Variants in WWOX observed in about 807,000 individuals in gnomAD.
WWOX encodes WW domain-containing oxidoreductase.
In WWOX, 69 loss-of-function variants were observed where a neutral mutation model predicts 46.2. The observed-to-expected ratio is 1.49, with a 90% CI of 1.23 to 1.82. The LOEUF (loss-of-function observed/expected upper bound fraction) is 1.82. Among genes scored for constraint, WWOX ranks in the 40% most tolerant of loss-of-function variants. The pLI is 0.00. For missense variants in WWOX, 919 were observed against 542.6 expected (o/e 1.69, Z -6.89); for synonymous variants, 359 against 202.6 (o/e 1.77, Z -6.56).
chr16:78,763,092 A>G (rs2049833186), intron 8 of WWOX, among the ~76,000 whole-genome samples: 1 of 152,148 alleles, frequency 6.6e-6, no homozygotes, highest in Admixed American at 6.5e-5. Flanking sequence ...CTGAGCACCT[A>G]CTCTGTGCCA....
chr16:78,335,863 G>T (rs11647277), intron 5 of WWOX, among the ~76,000 whole-genome samples: 3 of 152,010 alleles, frequency 2.0e-5, no homozygotes, highest in Admixed American at 1.3e-4. Flanking sequence ...AGGCCGAGGC[G>T]GGTGGATCGC....
chr16:78,639,836 G>A (rs1282734719), intron 8 of WWOX, among the ~76,000 whole-genome samples: 1 of 152,150 alleles, frequency 6.6e-6, no homozygotes, highest in Non-Finnish European at 1.5e-5. Flanking sequence ...ACAGTGTTGG[G>A]ATCACAGGTG....
At chr16:78,426,708 G>T (rs2083087032) in intron 7 of WWOX, among the ~76,000 whole-genome samples, 1 of 152,182 alleles carries the variant, frequency 6.6e-6, no homozygotes, top group African/African-American at 2.4e-5. Flanking sequence ...TCTGTTACCA[G>T]GCTGCAGTGC....
chr16:79,090,349 C>T (rs981811519), intron 8 of WWOX, among the ~76,000 whole-genome samples: 1 of 150,540 alleles, frequency 6.6e-6, no homozygotes, highest in African/African-American at 2.4e-5. Context: ...TGTCTAAAGC[C>T]ATGCTCAGTA....
At chr16:78,599,085 C>T (rs1239826841) in intron 8 of WWOX, among the ~76,000 whole-genome samples, 1 of 152,100 alleles carries the variant, frequency 6.6e-6, no homozygotes, top group East Asian at 1.9e-4. Flanking sequence ...GGAAGGTGTC[C>T]GATCAGAACC....
chr16:79,002,043 T>G (rs113948237), intron 8 of WWOX, among the ~76,000 whole-genome samples: 5 of 152,090 alleles, frequency 3.3e-5, no homozygotes, highest in African/African-American at 1.2e-4. Flanking sequence ...AACTGGAATT[T>G]ATTGTAATGG....
chr16:78,918,451 G>A (rs2045302962), intron 8 of WWOX, among the ~76,000 whole-genome samples: 1 of 151,946 alleles, frequency 6.6e-6, no homozygotes, highest in African/African-American at 2.4e-5. Context: ...GGGCTGGACT[G>A]TCACTTGGTT....
intron 8 of WWOX, among the ~76,000 whole-genome samples, chr16:78,824,678 G>A (rs1254143402): frequency 6.6e-6 from 1 of 152,092 alleles, no homozygotes; most frequent in Admixed American, 6.6e-5. Context: ...GAGAACCCCT[G>A]GTAAACCCAT....
intron 8 of WWOX, among the ~76,000 whole-genome samples, chr16:78,716,304 C>A (rs1368670317): frequency 6.6e-6 from 1 of 152,090 alleles, no homozygotes; most frequent in African/African-American, 2.4e-5. Context: ...ATCCTCCCCT[C>A]CAGCCTTTGG....
At chr16:78,174,949 C>T (rs1343085272) in intron 5 of WWOX, among the ~76,000 whole-genome samples, 2 of 151,546 alleles carry the variant, frequency 1.3e-5, no homozygotes, top group African/African-American at 4.8e-5. Flanking sequence ...GATCAGGCCA[C>T]TGCACTCCAA....
chr16:78,770,510 G>A (rs1478950296), intron 8 of WWOX, among the ~76,000 whole-genome samples: 1 of 152,178 alleles, frequency 6.6e-6, no homozygotes, highest in Non-Finnish European at 1.5e-5. Flanking sequence ...TTGGATGGCA[G>A]AAAGGTTCTC....
chr16:78,505,743 A>G (rs1224857553), intron 8 of WWOX, among the ~76,000 whole-genome samples: 1 of 152,184 alleles, frequency 6.6e-6, no homozygotes, highest in African/African-American at 2.4e-5. Context: ...TAAGGCTGGA[A>G]GAAACCCCAA....
rs780325056 is a variant in WWOX, at chr16:79,211,817, GCACA to G, written c.*27_*30del. Reference sequence around the variant, plus strand: ...GCTAAGTGGAGCTCAGAGCGGATGGGCACACACACCCGCCCTGTGTGTGTCCCCT... The same window carrying G: ...GCTAAGTGGAGCTCAGAGCGGATGGGCACACCCGCCCTGTGTGTGTCCCCT... On this transcript the variant is annotated 3_prime_UTR_variant, in exon 9 of 9. Coordinates refer to ENST00000566780, the MANE Select transcript of WWOX (RefSeq NM_016373.4). 1.9e-6 allele frequency: 3 copies of G among 1,613,518 alleles called. No homozygotes were observed. The highest frequency in any genetic ancestry group is 2.5e-6 in the Non-Finnish European group (3 of 1,179,940).
At chr16:78,731,777 T>C (rs2048974651) in intron 8 of WWOX, among the ~76,000 whole-genome samples, 1 of 152,054 alleles carries the variant, frequency 6.6e-6, no homozygotes, top group Admixed American at 6.5e-5. Context: ...CACTCTGCAG[T>C]TGTTTTATAA....
intron 8 of WWOX, among the ~76,000 whole-genome samples, chr16:78,442,359 C>T (rs1211279390): frequency 2.0e-5 from 3 of 152,038 alleles, no homozygotes; most frequent in South Asian, 2.1e-4. Context: ...ATTCACCATG[C>T]TGTACAATAG....
chr16:79,085,988 C>T (rs1371802393), intron 8 of WWOX, among the ~76,000 whole-genome samples: 1 of 152,030 alleles, frequency 6.6e-6, no homozygotes, highest in African/African-American at 2.4e-5. Flanking sequence ...AGGAGGATCG[C>T]TTGCATCCAG....
chr16:79,139,562 A>G (rs1299840592), intron 8 of WWOX, among the ~76,000 whole-genome samples: 1 of 152,138 alleles, frequency 6.6e-6, no homozygotes, highest in Non-Finnish European at 1.5e-5. Context: ...CGAGCTGTGG[A>G]AGTCACGTGG....
At chr16:78,387,326 A>T (rs906793394) in intron 6 of WWOX, among the ~76,000 whole-genome samples, 3 of 152,230 alleles carry the variant, frequency 2.0e-5, no homozygotes, top group African/African-American at 7.2e-5. Context: ...TCAGTTATCC[A>T]GTATGGCAGG....
intron 5 of WWOX, among the ~76,000 whole-genome samples, chr16:78,363,502 C>T (rs1261929478): frequency 1.3e-5 from 2 of 152,064 alleles, no homozygotes; most frequent in Admixed American, 6.6e-5. Context: ...TGTCCTTGAA[C>T]TCCTGGGCTC....
Sources: gnomAD v4.1 joint callset for allele counts (sites outside exome capture counted in the v4.1 genomes callset) on GRCh38, gnomAD v4.1.1 for gene constraint, MANE v1.5 for transcripts, NCBI Gene and HGNC (gene_info 2026-07-23, HGNC 2026-07-21) for gene names.